The following CTXND1 variants were observed in gnomAD, a reference collection of about 807,000 sequenced individuals.
CTXND1 encodes the protein cortexin domain-containing 1 protein.
intron 1 of CTXND1, among the ~76,000 whole-genome samples, chr15:80,235,700 C>G (rs1893487332): frequency 6.6e-6 from 1 of 151,888 alleles, no homozygotes; most frequent in Non-Finnish European, 1.5e-5. Flanking sequence ...AGTTATGACC[C>G]AGAACCAACT....
intron 1 of CTXND1, among the ~76,000 whole-genome samples, chr15:80,206,744 C>T (rs1893150753): frequency 6.6e-6 from 1 of 151,940 alleles, no homozygotes; most frequent in African/African-American, 2.4e-5. Context: ...TAACTTTCAC[C>T]TCCTTTTCCC....
At chr15:80,225,346 TTTTCA>T (rs1415379335) in intron 1 of CTXND1, among the ~76,000 whole-genome samples, 7 of 106,858 alleles carry the variant, frequency 6.6e-5, no homozygotes, top group African/African-American at 3.2e-4. Flanking sequence ...TTGTGTCTTG[TTTTCA>T]TTTGTTTTTT....
intron 1 of CTXND1, among the ~76,000 whole-genome samples, chr15:80,209,108 T>A (rs1022714162): frequency 6.6e-6 from 1 of 152,184 alleles, no homozygotes; most frequent in Non-Finnish European, 1.5e-5. Flanking sequence ...TGTCTGGAAC[T>A]GGGATTGGGT....
chr15:80,242,509 C>T (rs1332850361), intron 1 of CTXND1, among the ~76,000 whole-genome samples: 1 of 152,230 alleles, frequency 6.6e-6, no homozygotes, highest in Non-Finnish European at 1.5e-5. Flanking sequence ...AGTTCCACCT[C>T]CCCTGGAGTT....
chr15:80,206,608 T>C (rs1484679351), intron 1 of CTXND1, among the ~76,000 whole-genome samples: 1 of 152,244 alleles, frequency 6.6e-6, no homozygotes, highest in Non-Finnish European at 1.5e-5. Flanking sequence ...TAGTCACTAG[T>C]ATTAGCTTTC....
At chr15:80,223,525 C>T (rs1230577860) in intron 1 of CTXND1, among the ~76,000 whole-genome samples, 1 of 152,120 alleles carries the variant, frequency 6.6e-6, no homozygotes, top group Non-Finnish European at 1.5e-5. Flanking sequence ...AAATTCTTGT[C>T]TGTCTTTGTT....
At chr15:80,235,230 C>G (rs10438387) in intron 1 of CTXND1, among the ~76,000 whole-genome samples, 37,863 of 151,888 alleles carry the variant, frequency 0.25, 4,845 homozygotes, top group East Asian at 0.47. Context: ...ATGTCCTATG[C>G]AGTCAACCCT....
intron 1 of CTXND1, among the ~76,000 whole-genome samples, chr15:80,212,087 T>C (rs182314651): frequency 6.6e-6 from 1 of 152,318 alleles, no homozygotes; most frequent in African/African-American, 2.4e-5. Context: ...TATGAAAGTC[T>C]AGCTCACTAG....
chr15:80,222,333 C>G (rs1480946990), intron 1 of CTXND1, among the ~76,000 whole-genome samples: 1 of 152,082 alleles, frequency 6.6e-6, no homozygotes, highest in Non-Finnish European at 1.5e-5. Context: ...ACATACCCCC[C>G]CTTTTTGGAG....
chr15:80,205,539 C>T (rs1358742680), intron 1 of CTXND1, among the ~76,000 whole-genome samples: 1 of 152,172 alleles, frequency 6.6e-6, no homozygotes, highest in Admixed American at 6.5e-5. Context: ...TTTGAATAAA[C>T]ATAGAAATTG....
At chr15:80,211,247 G>T (rs962992525) in intron 1 of CTXND1, among the ~76,000 whole-genome samples, 2 of 152,198 alleles carry the variant, frequency 1.3e-5, no homozygotes, top group Non-Finnish European at 2.9e-5. Flanking sequence ...GAGAGAGCAC[G>T]CCACTTCTCA....
intron 1 of CTXND1, among the ~76,000 whole-genome samples, chr15:80,209,891 T>G (rs1178594190): frequency 2.0e-5 from 3 of 152,266 alleles, no homozygotes; most frequent in Non-Finnish European, 4.4e-5. Flanking sequence ...GACTCACATG[T>G]ATCTTTGGTA....
At chr15:80,217,057 A>G (rs1391207657) in intron 1 of CTXND1, among the ~76,000 whole-genome samples, 1 of 152,138 alleles carries the variant, frequency 6.6e-6, no homozygotes, top group Non-Finnish European at 1.5e-5. Flanking sequence ...GATAGTGGCA[A>G]CTAAATCTCT....
chr15:80,229,679 G>A (rs1893408199), intron 1 of CTXND1, among the ~76,000 whole-genome samples: 2 of 152,182 alleles, frequency 1.3e-5, no homozygotes, highest in African/African-American at 4.8e-5. Flanking sequence ...GCTTTGAAAA[G>A]CAATATCGTC....
At chr15:80,211,024 AGAGGTTCATGAGTTTG>A (rs1893198639) in intron 1 of CTXND1, among the ~76,000 whole-genome samples, 1 of 152,230 alleles carries the variant, frequency 6.6e-6, no homozygotes, top group South Asian at 2.1e-4. Flanking sequence ...ATCGGGGGTT[AGAGGTTCATGAGTTTG>A]GAGGAGGAGG....
chr15:80,203,410 A>G (rs1489405220), intron 2 of CTXND1, among the ~76,000 whole-genome samples, 179 bp downstream of exon 2: 2 of 152,142 alleles, frequency 1.3e-5, no homozygotes, highest in East Asian at 3.8e-4. Context: ...AGGTCCCTAC[A>G]TGTCTCTGCC....
chr15:80,245,276 C>T (rs547747080), intron 1 of CTXND1, among the ~76,000 whole-genome samples: 2 of 152,202 alleles, frequency 1.3e-5, no homozygotes, highest in Non-Finnish European at 2.9e-5. Flanking sequence ...CCTCACCAGG[C>T]ACCTTGACAG....
intron 1 of CTXND1, among the ~76,000 whole-genome samples, chr15:80,228,810 G>T (rs1448671583): frequency 6.6e-6 from 1 of 151,822 alleles, no homozygotes; most frequent in Non-Finnish European, 1.5e-5. Context: ...TGTATTTTTA[G>T]TTAGAGACGG....
At chr15:80,241,943 T>C (rs1160292698) in intron 1 of CTXND1, among the ~76,000 whole-genome samples, 1 of 152,160 alleles carries the variant, frequency 6.6e-6, no homozygotes, top group Non-Finnish European at 1.5e-5. Flanking sequence ...CCAAAACACT[T>C]TCATGTCCGT....
Sources: allele counts gnomAD v4.1 joint callset (sites outside exome capture counted in the v4.1 genomes callset), GRCh38; gene constraint gnomAD v4.1.1; transcripts MANE v1.5; gene names NCBI Gene and HGNC (gene_info 2026-07-23, HGNC 2026-07-21).